The following PRKCA variants were observed in gnomAD, a reference collection of about 807,000 sequenced individuals.
The protein encoded by PRKCA is protein kinase C alpha, also known as protein kinase C alpha type.
In PRKCA, 27 loss-of-function variants were observed where a neutral mutation model predicts 87.0. The ratio of observed to expected loss-of-function variants is 0.31; its 90% CI spans 0.23 to 0.43. The LOEUF is 0.43. Among genes scored for constraint, PRKCA ranks in the 20% least tolerant of loss-of-function variants. The probability of loss-of-function intolerance (pLI) is 1.00; values close to 1 mark genes in which losing one functional copy is unlikely to be tolerated. For synonymous variants in PRKCA, 329 were observed against 311.1 expected, an observed-to-expected ratio of 1.06 and a Z score of -0.61; for missense variants, 518 against 852.3, an observed-to-expected ratio of 0.61 and a Z score of 4.88.
At chr17:66,714,660 T>C (rs530099709) in intron 8 of PRKCA, among the ~76,000 whole-genome samples, 1 of 152,332 alleles carries the variant, frequency 6.6e-6, no homozygotes, top group South Asian at 2.1e-4. Flanking sequence ...CCCTCACCAC[T>C]GCAGGATGGC....
chr17:66,542,231 T>C (rs1483477588), intron 3 of PRKCA, among the ~76,000 whole-genome samples: 1 of 152,224 alleles, frequency 6.6e-6, no homozygotes, highest in Non-Finnish European at 1.5e-5. Context: ...ATGACCTTTT[T>C]CTTTCTTTAT....
At position 66,786,429 on chromosome 17, in the gene PRKCA, G is replaced by A. The variant is rs780633525; in HGVS notation, c.1606-438G>A. Among the ~76,000 whole-genome samples, 53 of 152,138 alleles carry A rather than the reference G, an allele frequency of 3.5e-4. 1 individual carries two copies. Among genetic ancestry groups the A allele is most frequent in the Admixed American group, 2.2e-3 (33 of 15,284 alleles). On this transcript the variant is annotated intron_variant, in intron 14 of 16. Coordinates refer to ENST00000413366, the MANE Select transcript of PRKCA (RefSeq NM_002737.3). The stretch of plus-strand genomic sequence containing the variant: ...TACTGGGAACATCCTCTTAGGCCAC[G>A]TTCTCAAGTCCCCTTCACCCCAAAT...
chr17:66,788,274 C>T (rs1975448753), intron 15 of PRKCA, among the ~76,000 whole-genome samples: 2 of 152,136 alleles, frequency 1.3e-5, no homozygotes, highest in Admixed American at 1.3e-4. Context: ...CTGGCTTCTG[C>T]CTTCAGAGAG....
intron 3 of PRKCA, among the ~76,000 whole-genome samples, chr17:66,594,549 G>A (rs763929856): frequency 2.4e-4 from 37 of 152,110 alleles, no homozygotes; most frequent in Non-Finnish European, 4.6e-4. Context: ...ATTACTCAGC[G>A]TGTTATTGCC....
rs537854721 is a variant in PRKCA, at chr17:66,764,914, G to T, written c.1525-9073G>T. Among the ~76,000 whole-genome samples the T allele has an allele frequency of 2.0e-5, 3 of 152,226 alleles. No homozygotes were observed. The South Asian group carries it at 6.2e-4, about 32-fold the overall frequency. Reference sequence around the variant, plus strand: ...AGAGAGTCTCCTCATCCATTCCATGGTCTCTGAGCCTGGTCCTCAGCCCAA... The same window carrying T: ...AGAGAGTCTCCTCATCCATTCCATGTTCTCTGAGCCTGGTCCTCAGCCCAA... On this transcript the variant is annotated intron_variant, in intron 13 of 16. Coordinates refer to ENST00000413366, the MANE Select transcript of PRKCA (RefSeq NM_002737.3).
intron 3 of PRKCA, among the ~76,000 whole-genome samples, chr17:66,619,113 A>T (rs530952821): frequency 6.6e-6 from 1 of 152,318 alleles, no homozygotes; most frequent in East Asian, 1.9e-4. Context: ...AATCCAAGTC[A>T]GCTGGAGAAG....
At chr17:66,766,524 C>T (rs546114732) in intron 13 of PRKCA, among the ~76,000 whole-genome samples, 60 of 152,328 alleles carry the variant, frequency 3.9e-4, no homozygotes, top group African/African-American at 1.4e-3. Context: ...CACAGCAACA[C>T]TGTTGCTTCA....
intron 4 of PRKCA, among the ~76,000 whole-genome samples, chr17:66,644,511 T>C (rs2143815584): frequency 6.6e-6 from 1 of 152,304 alleles, no homozygotes; most frequent in Middle Eastern, 3.4e-3. Context: ...CAGGGTTTCT[T>C]TGGTTCATTG....
At chr17:66,467,173 C>G (rs1169473308) in intron 2 of PRKCA, among the ~76,000 whole-genome samples, 1 of 152,086 alleles carries the variant, frequency 6.6e-6, no homozygotes, top group East Asian at 1.9e-4. Flanking sequence ...GTGCAAAGAT[C>G]TTTTGGTTTG....
chr17:66,642,879 C>T (rs1462043442), intron 4 of PRKCA, among the ~76,000 whole-genome samples: 2 of 152,130 alleles, frequency 1.3e-5, no homozygotes, highest in Admixed American at 1.3e-4. Context: ...CCCGTCTCTA[C>T]TAAAAATGCA....
intron 8 of PRKCA, among the ~76,000 whole-genome samples, chr17:66,693,086 C>T (rs930549667): frequency 3.3e-5 from 5 of 152,184 alleles, no homozygotes; most frequent in Non-Finnish European, 5.9e-5. Context: ...AGTATTCATT[C>T]GATAATTAGG....
At chr17:66,515,371 C>G (rs190032717) in intron 3 of PRKCA, among the ~76,000 whole-genome samples, 1 of 151,864 alleles carries the variant, frequency 6.6e-6, no homozygotes, top group African/African-American at 2.4e-5. Flanking sequence ...TGTGTGCACA[C>G]GTGTGTGTAA....
chr17:66,470,855 G>A (rs897721099), intron 2 of PRKCA, among the ~76,000 whole-genome samples: 3 of 152,292 alleles, frequency 2.0e-5, no homozygotes, highest in South Asian at 2.1e-4. Flanking sequence ...ATCGGCTTCC[G>A]CCCTTGTAGG....
chr17:66,344,715 T>C (rs1430078307), intron 2 of PRKCA, among the ~76,000 whole-genome samples: 1 of 152,218 alleles, frequency 6.6e-6, no homozygotes, highest in Non-Finnish European at 1.5e-5. Flanking sequence ...AGCTTTCTTT[T>C]TGTCACAGAT....
At chr17:66,352,710 C>A (rs751562469) in intron 2 of PRKCA, among the ~76,000 whole-genome samples, 1 of 151,616 alleles carries the variant, frequency 6.6e-6, no homozygotes, top group Non-Finnish European at 1.5e-5. Flanking sequence ...ACTACAGGTG[C>A]GTGCCACCAC....
At chr17:66,404,623 C>T (rs1051672921) in intron 2 of PRKCA, among the ~76,000 whole-genome samples, 14 of 151,884 alleles carry the variant, frequency 9.2e-5, no homozygotes, top group South Asian at 4.2e-4. Context: ...TACCCAAATA[C>T]GAAGAAGCAA....
intron 8 of PRKCA, among the ~76,000 whole-genome samples, chr17:66,690,735 C>T (rs778611895): frequency 6.8e-5 from 10 of 146,760 alleles, no homozygotes; most frequent in African/African-American, 7.6e-5. Flanking sequence ...GGCTGAGACA[C>T]GAGAATCACT....
At chr17:66,577,814 G>A (rs1346923975) in intron 3 of PRKCA, among the ~76,000 whole-genome samples, 1 of 152,118 alleles carries the variant, frequency 6.6e-6, no homozygotes, top group Non-Finnish European at 1.5e-5. Context: ...ATCAGAGAAT[G>A]ACACTGGAGT....
chr17:66,515,226 T>A (rs1966928380), intron 3 of PRKCA, among the ~76,000 whole-genome samples: 2 of 141,282 alleles, frequency 1.4e-5, no homozygotes, highest in South Asian at 2.3e-4. Flanking sequence ...GAGCCAAGAT[T>A]GCGCCGCTGC....
Sources: gnomAD v4.1 joint callset for allele counts (sites outside exome capture counted in the v4.1 genomes callset) on GRCh38, gnomAD v4.1.1 for gene constraint, MANE v1.5 for transcripts, NCBI Gene and HGNC (gene_info 2026-07-23, HGNC 2026-07-21) for gene names.